Variants in FGF14 observed in about 807,000 individuals in gnomAD.
FGF14 encodes fibroblast growth factor 14.
Under a neutral mutation model 25.5 loss-of-function variants are expected in FGF14, and 5 were observed. The observed-to-expected ratio is 0.20, with a 90% CI of 0.10 to 0.41. The LOEUF is 0.41. Ranked by LOEUF, FGF14 falls within the 10% of genes least tolerant of loss-of-function variation. The pLI, the probability that FGF14 is intolerant of heterozygous loss-of-function variation, is 1.00. For synonymous variants in FGF14, 138 were observed against 118.3 expected (o/e 1.17, Z -1.08); for missense variants, 222 against 320.1 (o/e 0.69, Z 2.34).
At chr13:102,139,136 T>TG (rs1273779812) in intron 1 of FGF14, among the ~76,000 whole-genome samples, 1 of 152,198 alleles carries the variant, frequency 6.6e-6, no homozygotes, top group East Asian at 1.9e-4. Flanking sequence ...ATAATCCCTG[T>TG]GATCAACAGA....
At chr13:102,325,584 CCCTT>C (rs2056398947) in intron 1 of FGF14, among the ~76,000 whole-genome samples, 1 of 149,622 alleles carries the variant, frequency 6.7e-6, no homozygotes, top group African/African-American at 2.4e-5. Flanking sequence ...ATGGGTAAGG[CCCTT>C]CCTTCCTTCA....
intron 1 of FGF14, among the ~76,000 whole-genome samples, chr13:101,891,261 G>A (rs1477761788): frequency 6.6e-6 from 1 of 151,972 alleles, no homozygotes; most frequent in African/African-American, 2.4e-5. Flanking sequence ...AAATGCCTGG[G>A]CCCTCACATC....
At chr13:102,234,674 AATT>A (rs894574500) in intron 1 of FGF14, among the ~76,000 whole-genome samples, 2 of 152,198 alleles carry the variant, frequency 1.3e-5, no homozygotes, top group Non-Finnish European at 2.9e-5. Context: ...CAGTGTTCAG[AATT>A]ATTCTCTCAA....
At chr13:101,866,600 T>C (rs1051855506) in intron 3 of FGF14, among the ~76,000 whole-genome samples, 3 of 151,958 alleles carry the variant, frequency 2.0e-5, no homozygotes, top group African/African-American at 7.3e-5. Context: ...ATATAGCTAT[T>C]ATTTTATAGG....
At chr13:101,990,398 T>C (rs1030721672) in intron 1 of FGF14, among the ~76,000 whole-genome samples, 1 of 151,670 alleles carries the variant, frequency 6.6e-6, no homozygotes, top group Non-Finnish European at 1.5e-5. Flanking sequence ...AGGGCATGAT[T>C]TTTAACAATT....
chr13:102,385,434 G>A (rs757953660), intron 1 of FGF14, among the ~76,000 whole-genome samples: 1 of 152,100 alleles, frequency 6.6e-6, no homozygotes. Flanking sequence ...CAAGATGCCT[G>A]ACTAGTAAAC....
chr13:101,861,523 C>G (rs890768420), intron 3 of FGF14, among the ~76,000 whole-genome samples: 32 of 151,022 alleles, frequency 2.1e-4, no homozygotes, highest in Admixed American at 1.9e-3. Context: ...TTTTCCACCC[C>G]TTTAATTCAG....
chr13:102,245,003 A>G (rs1374434101), intron 1 of FGF14, among the ~76,000 whole-genome samples: 4 of 152,130 alleles, frequency 2.6e-5, no homozygotes, highest in Non-Finnish European at 4.4e-5. Flanking sequence ...TCTAATCAAC[A>G]TCAAAAGATA....
intron 1 of FGF14, among the ~76,000 whole-genome samples, chr13:102,397,843 C>G (rs1260804305): frequency 2.6e-5 from 4 of 152,114 alleles, no homozygotes; most frequent in Non-Finnish European, 5.9e-5. Context: ...TTTAAAGAAA[C>G]CTATGAAGCC....
At chr13:102,374,419 G>A (rs1231195236) in intron 1 of FGF14, among the ~76,000 whole-genome samples, 1 of 151,412 alleles carries the variant, frequency 6.6e-6, no homozygotes, top group Non-Finnish European at 1.5e-5. Flanking sequence ...GGGCACAAAT[G>A]GTTGTACTAC....
At chr13:102,177,518 G>A (rs1474211549) in intron 1 of FGF14, among the ~76,000 whole-genome samples, 1 of 152,126 alleles carries the variant, frequency 6.6e-6, no homozygotes, top group Non-Finnish European at 1.5e-5. Context: ...ATGTGCCACA[G>A]TGTCTGTTAC....
At chr13:102,265,183 A>T (rs930287553) in intron 1 of FGF14, among the ~76,000 whole-genome samples, 3 of 151,978 alleles carry the variant, frequency 2.0e-5, no homozygotes, top group African/African-American at 7.3e-5. Context: ...CCTCCAAAAC[A>T]AGGTCTCCAC....
At chr13:102,364,144 T>TGC (rs2057643848) in intron 1 of FGF14, among the ~76,000 whole-genome samples, 1 of 152,240 alleles carries the variant, frequency 6.6e-6, no homozygotes, top group Non-Finnish European at 1.5e-5. Context: ...GATTTTACAC[T>TGC]AAACTTTTTA....
intron 3 of FGF14, among the ~76,000 whole-genome samples, chr13:101,821,541 T>C (rs2042157160): frequency 6.6e-6 from 1 of 152,220 alleles, no homozygotes; most frequent in Non-Finnish European, 1.5e-5. Context: ...CATTTGTCTC[T>C]CTTGACTATA....
At chr13:102,378,619 C>A (rs1489539485) in intron 1 of FGF14, among the ~76,000 whole-genome samples, 9 of 132,820 alleles carry the variant, frequency 6.8e-5, no homozygotes, top group African/African-American at 1.2e-4. Flanking sequence ...ATCTATCTAT[C>A]TATCTATCTA....
intron 1 of FGF14, among the ~76,000 whole-genome samples, chr13:102,051,329 T>TA (rs59766942): frequency 0.092 from 13,986 of 152,194 alleles, 856 homozygotes; most frequent in Non-Finnish European, 0.12. Flanking sequence ...ACCAGCATGG[T>TA]AGTGGGGAGT....
At chr13:102,095,344 T>C (rs2044344605) in intron 1 of FGF14, among the ~76,000 whole-genome samples, 1 of 152,048 alleles carries the variant, frequency 6.6e-6, no homozygotes, top group Non-Finnish European at 1.5e-5. Context: ...TGCCAGACAG[T>C]CATCAGTTTG....
intron 1 of FGF14, among the ~76,000 whole-genome samples, chr13:102,069,040 ACT>A (rs959393206): frequency 2.0e-5 from 3 of 151,742 alleles, no homozygotes; most frequent in Non-Finnish European, 4.4e-5. Context: ...ACCAATCGAC[ACT>A]CTGTATCTAG....
intron 1 of FGF14, among the ~76,000 whole-genome samples, chr13:102,290,516 C>A (rs2054331100): frequency 6.6e-6 from 1 of 152,146 alleles, no homozygotes; most frequent in Non-Finnish European, 1.5e-5. Flanking sequence ...CTGGAGCAGC[C>A]TGAGTGCAAC....
Sources: gnomAD v4.1 joint callset for allele counts (sites outside exome capture counted in the v4.1 genomes callset) on GRCh38, gnomAD v4.1.1 for gene constraint, MANE v1.5 for transcripts, NCBI Gene and HGNC (gene_info 2026-07-23, HGNC 2026-07-21) for gene names.